Variants in GCKR observed in about 807,000 individuals in gnomAD.
The protein encoded by GCKR is glucokinase regulatory protein.
Under a neutral mutation model 82.9 loss-of-function variants are expected in GCKR, and 73 were observed. The observed-to-expected ratio is 0.88, with a 90% CI of 0.73 to 1.07. The LOEUF is 1.07. Among genes scored for constraint, GCKR ranks in the 50% least tolerant of loss-of-function variants. GCKR has a pLI of 0.00. For missense variants in GCKR, 784 were observed against 782.1 expected (o/e 1.00, Z -0.03); for synonymous variants, 294 against 291.8 (o/e 1.01, Z -0.08).
chr2:27,502,658 G>A (rs1304053818), intron 8 of GCKR, among the ~76,000 whole-genome samples: 1 of 152,180 alleles, frequency 6.6e-6, no homozygotes. Flanking sequence ...AAGAATGACA[G>A]GAGACATTTT....
At chr2:27,519,341 G>A (rs145995276) in intron 17 of GCKR, among the ~76,000 whole-genome samples, 6 of 148,718 alleles carry the variant, frequency 4.0e-5, no homozygotes, top group South Asian at 2.1e-4. Flanking sequence ...TTGCTCTATC[G>A]CCCAGGCTGG....
rs371055401 is a variant in GCKR, at chr2:27,518,846, A to G, written c.1481A>G (p.His494Arg). Residue 494 changes from histidine (H) to arginine (R), a missense_variant, in exon 17 of 19, where the codon CAT becomes CGT. Transcript: ENST00000264717. ...WVLNTVSTGA[H>R]VLLGKILQNH... is the part of the protein sequence containing the mutation. ...CTGAATACAGTGAGTACAGGTGCTC[A>G]TGTGCTTCTTGGTAAGATCCTACAA... The G allele has an allele frequency of 1.2e-6, 2 of 1,604,928 alleles. No individual in the cohort carries two copies. The highest frequency in any genetic ancestry group is 1.7e-4 in the Middle Eastern group (1 of 6,036).
intron 8 of GCKR, among the ~76,000 whole-genome samples, 196 bp downstream of exon 8, chr2:27,501,425 A>G (rs1305094224): frequency 6.6e-6 from 1 of 152,256 alleles, no homozygotes; most frequent in Non-Finnish European, 1.5e-5. Flanking sequence ...TTCTTGTTTC[A>G]GAAAGCATTA....
intron 8 of GCKR, 120 bp from the exon 9 acceptor site, chr2:27,503,394 A>AT: frequency 1.4e-6 from 1 of 719,142 alleles, no homozygotes; most frequent in Non-Finnish European, 2.6e-6. Context: ...ATATGTCTGT[A>AT]TGAAGTTGTT....
At chr2:27,518,963 G>T in intron 17 of GCKR, 26 bp downstream of exon 17, 2 of 1,546,658 alleles carry the variant, frequency 1.3e-6, no homozygotes, top group South Asian at 2.2e-5. Context: ...GGCAGGGTTG[G>T]GTGGGACCTG....
chr2:27,515,042 A>C (rs1480788443), intron 16 of GCKR, among the ~76,000 whole-genome samples: 3 of 151,996 alleles, frequency 2.0e-5, no homozygotes, highest in African/African-American at 7.2e-5. Context: ...CAGTGATGTG[A>C]TCTCAGCTCA....
At chr2:27,521,984 A>G (rs1242852014) in intron 17 of GCKR, among the ~76,000 whole-genome samples, 10 of 152,222 alleles carry the variant, frequency 6.6e-5, no homozygotes, top group African/African-American at 2.2e-4. Context: ...TTGACCTCCC[A>G]AAGTGCTGGG....
At position 27,505,192 on chromosome 2, in the gene GCKR, C is replaced by G. The variant is rs201242863; in HGVS notation, c.751-526C>G. Among the ~76,000 whole-genome samples the G allele has an allele frequency of 4.2e-4, 59 of 139,732 alleles. No homozygotes were observed. In the East Asian group the frequency reaches 8.3e-3, roughly 20 times the overall value. The allele number at this position is 139,732 out of a possible 152,430, so 91.7% of individuals were successfully genotyped here. A position where few individuals can be genotyped will look rare whatever the true frequency, so the allele number is the denominator to read the frequency against. On this transcript the variant is annotated intron_variant, in intron 9 of 18. Transcript: ENST00000264717. ...TGGGCGAATCACGAGGTCAGGAGAT[C>G]GAGACCATCCTGGCTAACACGGTGA...
chr2:27,504,568 G>T (rs1572862948), intron 9 of GCKR, among the ~76,000 whole-genome samples: 1 of 151,580 alleles, frequency 6.6e-6, no homozygotes, highest in Non-Finnish European at 1.5e-5. Context: ...GGCTGGTCTC[G>T]AACTCCTGAC....
Position 27,498,333 on chromosome 2 carries a change from C to T in GCKR, c.354+10C>T. On this transcript the variant is annotated intron_variant, in intron 4 of 18. Transcript: ENST00000264717. ...GGCATTCCTCATGTCGGTGAGCACC[C>T]TGGTCTCCAGTTTTCTTCCCCCTCC... The T allele has an allele frequency of 6.2e-7, 1 of 1,604,302 alleles. No homozygotes were observed. The highest frequency in any genetic ancestry group is 2.2e-5 in the East Asian group (1 of 44,848).
intron 18 of GCKR, 120 bp from the exon 19 acceptor site, chr2:27,523,149 T>A: frequency 1.3e-6 from 1 of 792,706 alleles, no homozygotes; most frequent in East Asian, 2.6e-5. Flanking sequence ...TCTGCCCACC[T>A]CGGCCTCCCA....
chr2:27,507,579 T>G, intron 13 of GCKR, 102 bp from the exon 14 acceptor site: 1 of 771,776 alleles, frequency 1.3e-6, no homozygotes. Flanking sequence ...CTTTCACCTG[T>G]GCACAAAAGT....
In GCKR at chr2:27,497,403, A is replaced by C. The variant is rs1669441143; in HGVS notation, c.216+4A>C. ...GCAAGCCCTGTCCACATACCAGGTAACCAAGACCCAAGACCTGGACCCTGG... is the reference window on the plus strand; with the variant it reads ...GCAAGCCCTGTCCACATACCAGGTACCCAAGACCCAAGACCTGGACCCTGG... On this transcript the variant is annotated splice_donor_region_variant and intron_variant, in intron 2 of 18. Transcript: ENST00000264717. 6.2e-7 allele frequency: 1 copy of C among 1,613,026 alleles called. No individual in the cohort carries two copies. Among genetic ancestry groups the C allele is most frequent in the African/African-American group, 1.4e-5 (1 of 73,958 alleles).
chr2:27,508,286 G>A, intron 16 of GCKR, 35 bp downstream of exon 16: 1 of 1,272,978 alleles, frequency 7.9e-7, no homozygotes, highest in Non-Finnish European at 1.2e-6. Context: ...CTGCAGTAAG[G>A]GGCTCAGAGG....
At chr2:27,499,586 C>A in intron 7 of GCKR, 136 bp downstream of exon 7, 1 of 769,720 alleles carries the variant, frequency 1.3e-6, no homozygotes. Flanking sequence ...GTTTTAGTTT[C>A]ACTAACTTGG....
In GCKR at chr2:27,523,413, G is replaced by GA; in HGVS notation, c.1853dup (p.Ile619AspfsTer5). 1 of 1,608,914 alleles carries GA rather than the reference G, an allele frequency of 6.2e-7. No individual in the cohort carries two copies. The highest frequency in any genetic ancestry group is 1.1e-5 in the South Asian group (1 of 91,072). On this transcript the variant is annotated frameshift_variant, in exon 19 of 19. Transcript: ENST00000264717. LOFTEE classifies it high-confidence loss of function. ...TCAGAAGCGCACTGCGGACCCCCTC[G>GA]AGATCCTAGAGCCTGACGTTCAGTG...
At position 27,497,596 on chromosome 2, in the gene GCKR, TAC is replaced by T. The variant is rs1669447790; in HGVS notation, c.253_254del (p.Gln85GlyfsTer37). ...AGCGAATCCATTCTGACCACCATGG[TAC>T]AGGTGGCTGGGAAAGTTCAGGAAGT... is the stretch of plus-strand genomic sequence containing the variant. On this transcript the variant is annotated frameshift_variant, in exon 3 of 19. Transcript: ENST00000264717. LOFTEE classifies it high-confidence loss of function. The T allele has an allele frequency of 1.2e-6, 2 of 1,612,562 alleles. No individual in the cohort carries two copies. Among genetic ancestry groups the T allele is most frequent in the Non-Finnish European group, 1.7e-6 (2 of 1,178,616 alleles).
At chr2:27,523,174 C>T in intron 18 of GCKR, 95 bp from the exon 19 acceptor site, 1 of 1,007,214 alleles carries the variant, frequency 9.9e-7, no homozygotes, top group South Asian at 1.3e-5. Flanking sequence ...GCTGGGATTA[C>T]AGGCGTGAGC....
chr2:27,504,051 G>A (rs1487034199), intron 9 of GCKR, among the ~76,000 whole-genome samples: 1 of 152,160 alleles, frequency 6.6e-6, no homozygotes, highest in Middle Eastern at 3.2e-3. Context: ...CCCTTCTTAG[G>A]TTGAAAGCTG....
Sources: allele counts gnomAD v4.1 joint callset (sites outside exome capture counted in the v4.1 genomes callset), GRCh38; gene constraint gnomAD v4.1.1; transcripts MANE v1.5; gene names NCBI Gene and HGNC (gene_info 2026-07-23, HGNC 2026-07-21).